Variants in MTRES1 observed in about 807,000 individuals in gnomAD.
MTRES1 encodes the protein uncharacterized protein C6orf203.
Under a neutral mutation model 17.4 loss-of-function variants are expected in MTRES1, and 11 were observed. The ratio of observed to expected loss-of-function variants is 0.63; its 90% CI spans 0.40 to 1.05. The LOEUF is 1.05. Ranked by LOEUF, MTRES1 falls within the 50% of genes least tolerant of loss-of-function variation. The pLI is 0.00. For synonymous variants in MTRES1, 94 were observed against 99.6 expected, an observed-to-expected ratio of 0.94 and a Z score of 0.34; for missense variants, 268 against 276.2, an observed-to-expected ratio of 0.97 and a Z score of 0.21.
intron 1 of MTRES1, among the ~76,000 whole-genome samples, chr6:107,037,107 A>G (rs1056015594): frequency 7.2e-5 from 11 of 151,852 alleles, no homozygotes; most frequent in African/African-American, 2.7e-4. Context: ...AAGTTTTTTT[A>G]ATTGTACTAA....
intron 2 of MTRES1, among the ~76,000 whole-genome samples, chr6:107,041,588 C>T (rs530639638): frequency 4.6e-5 from 7 of 152,028 alleles, no homozygotes; most frequent in African/African-American, 7.2e-5. Context: ...TGCCATGGCA[C>T]GATCTCGGCT....
Position 107,039,844 on chromosome 6 carries a change from G to C in MTRES1, c.84G>C (p.Gly28=), listed in dbSNP as rs986121539. The change falls in exon 2 of 4, where the codon GGG becomes GGC. Residue 28 remains glycine, a synonymous_variant. Transcript: ENST00000311381. ...TTGGACTCTGGGGTGTTCTCCGAGG[G>C]ACACCTTCATCATACAAACTCTGTA... ...AWIGLWGVLR[G]TPSSYKLCTS... is the part of the protein sequence containing the mutation. The C allele has an allele frequency of 6.2e-7, 1 of 1,614,052 alleles. No homozygotes were observed. The highest frequency in any genetic ancestry group is 8.5e-7 in the Non-Finnish European group (1 of 1,180,006).
chr6:107,029,775 C>T (rs914372539), intron 1 of MTRES1, among the ~76,000 whole-genome samples: 1 of 152,142 alleles, frequency 6.6e-6, no homozygotes, highest in Non-Finnish European at 1.5e-5. Flanking sequence ...TGAGCCACCG[C>T]GCCCATACTA....
At chr6:107,037,844 G>A (rs1396544472) in intron 1 of MTRES1, among the ~76,000 whole-genome samples, 12 of 152,112 alleles carry the variant, frequency 7.9e-5, no homozygotes, top group South Asian at 4.2e-4. Context: ...TTAGCCTCCT[G>A]AGTAGCTGGG....
chr6:107,039,872 TC>T lies in MTRES1; in HGVS notation c.114del (p.Trp39GlyfsTer27). 1 of 1,614,156 alleles carries T rather than the reference TC, an allele frequency of 6.2e-7. No individual in the cohort carries two copies. Among genetic ancestry groups the T allele is most frequent in the East Asian group, 2.2e-5 (1 of 44,888 alleles). On this transcript the variant is annotated frameshift_variant, in exon 2 of 4. Transcript: ENST00000311381. LOFTEE classifies it high-confidence loss of function. ...GTPSSYKLCT[S>X]WNRYLYFSST... ...ACCTTCATCATACAAACTCTGTACT[TC>T]CTGGAATCGATACTTGTATTTTTCT...
At chr6:107,036,806 C>T (rs895697885) in intron 1 of MTRES1, among the ~76,000 whole-genome samples, 24 of 149,532 alleles carry the variant, frequency 1.6e-4, no homozygotes, top group South Asian at 6.4e-4. Flanking sequence ...GCTGAGATCG[C>T]GCCACTGTAC....
Position 107,044,294 on chromosome 6 carries a change from A to T in MTRES1, c.505A>T (p.Arg169Trp). ...AGATGCTTTCTACAAAGGTGAACTC[A>T]GGCTGAATGAGGAAAAATTATGGAA... ...VEDAFYKGELRLNEEKLWKKS... is the reference protein window; with the variant it reads ...VEDAFYKGELWLNEEKLWKKS... The change falls in exon 3 of 4, where the codon AGG becomes TGG. Residue 169 changes from arginine to tryptophan, a missense_variant. Physicochemically the swap from Arg to Trp is moderately radical, Grantham distance 101 (BLOSUM62 -3). Transcript: ENST00000311381. 3 of 1,613,998 alleles carry T rather than the reference A, an allele frequency of 1.9e-6. No individual in the cohort carries two copies. The highest frequency in any genetic ancestry group is 2.5e-6 in the Non-Finnish European group (3 of 1,179,894).
intron 1 of MTRES1, 71 bp from the exon 2 acceptor site, chr6:107,039,678 A>G (rs1193437136): frequency 9.5e-6 from 14 of 1,466,352 alleles, no homozygotes; most frequent in African/African-American, 1.4e-5. Flanking sequence ...TTCATAGTGC[A>G]TATGGTTTAT....
intron 1 of MTRES1, among the ~76,000 whole-genome samples, chr6:107,033,937 G>A (rs1773925805): frequency 6.6e-6 from 1 of 152,200 alleles, no homozygotes; most frequent in Non-Finnish European, 1.5e-5. Flanking sequence ...TTAGCTTAAT[G>A]TGTTTCCTCA....
chr6:107,034,574 A>G (rs1257687434), intron 1 of MTRES1, among the ~76,000 whole-genome samples: 1 of 152,220 alleles, frequency 6.6e-6, no homozygotes, highest in Non-Finnish European at 1.5e-5. Flanking sequence ...TGCAGCTCGG[A>G]TGCCTAGATT....
intron 1 of MTRES1, chr6:107,028,828 A>G (rs1040205304): frequency 7.4e-6 from 7 of 948,688 alleles, no homozygotes; most frequent in Non-Finnish European, 8.8e-6. Context: ...TCTCCTGAAG[A>G]TGTCACCCAA....
Position 107,051,407 on chromosome 6 carries a change from C to A in MTRES1, c.*171C>A. On this transcript the variant is annotated 3_prime_UTR_variant, in exon 4 of 4. Coordinates refer to ENST00000311381, the MANE Select transcript of MTRES1 (RefSeq NM_016487.5). Reference sequence around the variant, plus strand: ...GAGACACTTCCCAAGGCCTGCCTCACCTCCACCCCCTGCCCACCTTGATCC... The same window carrying A: ...GAGACACTTCCCAAGGCCTGCCTCAACTCCACCCCCTGCCCACCTTGATCC... 1.8e-6 allele frequency: 1 copy of A among 569,096 alleles called. No homozygotes were observed. Among genetic ancestry groups the A allele is most frequent in the East Asian group, 3.1e-5 (1 of 32,226 alleles). 35.3% of individuals were successfully genotyped at this position (569,096 alleles called of 1,614,324 possible). A position where few individuals can be genotyped will look rare whatever the true frequency, so the allele number is the denominator to read the frequency against.
rs189593140 is a variant in MTRES1 at position 107,033,060 on chromosome 6, C to T, written c.-13+4789C>T. 7.2e-5 allele frequency among the ~76,000 whole-genome samples: 11 copies of T among 152,188 alleles called. No homozygotes were observed. In the East Asian group the frequency reaches 1.9e-3, roughly 27 times the overall value. On this transcript the variant is annotated intron_variant, in intron 1 of 3. Transcript: ENST00000311381. Reference sequence around the variant, plus strand: ...CAGGAACTTGGCATATGTGGGCGAACGAGTGATTGTAGGGGTGGCTATAGT... The same window carrying T: ...CAGGAACTTGGCATATGTGGGCGAATGAGTGATTGTAGGGGTGGCTATAGT...
chr6:107,044,257 T>C lies in MTRES1; in HGVS notation c.471-3T>C, dbSNP rs782264495. The C allele has an allele frequency of 6.2e-7, 1 of 1,613,250 alleles. No homozygotes were observed. Among genetic ancestry groups the C allele is most frequent in the Non-Finnish European group, 8.5e-7 (1 of 1,179,520 alleles). On this transcript the variant is annotated splice_polypyrimidine_tract_variant and splice_region_variant and intron_variant, in intron 2 of 3. Coordinates refer to ENST00000311381, the MANE Select transcript of MTRES1 (RefSeq NM_016487.5). ...TACATTGTTGCTTTTTTTTGTTTTGTAGCAAAGTGGAAGATGCTTTCTACA... is the reference window on the plus strand; with the variant it reads ...TACATTGTTGCTTTTTTTTGTTTTGCAGCAAAGTGGAAGATGCTTTCTACA...
chr6:107,044,373 T>C, intron 3 of MTRES1, 41 bp downstream of exon 3: 1 of 1,500,406 alleles, frequency 6.7e-7, no homozygotes, highest in Non-Finnish European at 9.3e-7. Flanking sequence ...TGTTTTCGTC[T>C]CTTACTCTGC....
At chr6:107,033,379 A>T (rs1168297621) in intron 1 of MTRES1, among the ~76,000 whole-genome samples, 1 of 143,606 alleles carries the variant, frequency 7.0e-6, no homozygotes, top group African/African-American at 2.6e-5. Flanking sequence ...ATTTTTCAGT[A>T]GTAGATTTTT....
chr6:107,029,571 C>T (rs1582587672), intron 1 of MTRES1, among the ~76,000 whole-genome samples: 2 of 151,648 alleles, frequency 1.3e-5, no homozygotes, highest in East Asian at 1.9e-4. Flanking sequence ...GCAGCCTCCC[C>T]CTCCCAGGTT....
At chr6:107,049,871 G>T (rs1774535270) in intron 3 of MTRES1, among the ~76,000 whole-genome samples, 1 of 151,736 alleles carries the variant, frequency 6.6e-6, no homozygotes, top group South Asian at 2.1e-4. Context: ...ACAGGTGTGT[G>T]CCACCATGCT....
At chr6:107,036,709 G>C (rs1315443806) in intron 1 of MTRES1, among the ~76,000 whole-genome samples, 1 of 151,516 alleles carries the variant, frequency 6.6e-6, no homozygotes, top group Non-Finnish European at 1.5e-5. Context: ...TGGGCGTGGT[G>C]GTGGGCACCT....
Sources: gnomAD v4.1 joint callset for allele counts (sites outside exome capture counted in the v4.1 genomes callset) on GRCh38, gnomAD v4.1.1 for gene constraint, MANE v1.5 for transcripts, NCBI Gene and HGNC (gene_info 2026-07-23, HGNC 2026-07-21) for gene names.